IL17RA: variants seen among roughly 807,000 people sequenced by gnomAD.
IL17RA encodes interleukin-17 receptor A.
IL17RA carries 34 observed loss-of-function variants against 50.4 expected under a neutral mutation model. The observed-to-expected ratio is 0.67, with a 90% CI of 0.51 to 0.90. IL17RA has a LOEUF of 0.90. Ranked by LOEUF, IL17RA falls within the 40% of genes least tolerant of loss-of-function variation. IL17RA has a pLI of 0.00. For missense variants in IL17RA, 1,276 were observed against 1,169.8 expected, an observed-to-expected ratio of 1.09 and a Z score of -1.32; for synonymous variants, 585 against 510.4, an observed-to-expected ratio of 1.15 and a Z score of -1.97.
chr22:17,108,362 G>C lies in IL17RA; in HGVS notation c.1143G>C (p.Trp381Cys). ...CACCGCTGAAGCCCAGGAAGGTCTGGATCATCTACTCAGCCGACCACCCCC... is the reference window on the plus strand; with the variant it reads ...CACCGCTGAAGCCCAGGAAGGTCTGCATCATCTACTCAGCCGACCACCCCC... ...IPPPLKPRKV[W>C]IIYSADHPLY... is the part of the protein sequence containing the mutation. The change falls in exon 13 of 13, where the codon TGG (tryptophan) becomes TGC (cysteine). Residue 381 changes from tryptophan to cysteine, a missense_variant. Transcript: ENST00000319363. 6.2e-7 allele frequency: 1 copy of C among 1,614,084 alleles called. No individual in the cohort carries two copies. Among genetic ancestry groups the C allele is most frequent in the Non-Finnish European group, 8.5e-7 (1 of 1,180,002 alleles).
In IL17RA at chr22:17,106,948, G is replaced by A. The variant is rs540342996; in HGVS notation, c.1046-779G>A. 1.7e-4 allele frequency among the ~76,000 whole-genome samples: 26 copies of A among 152,266 alleles called. No individual in the cohort carries two copies. The East Asian group carries it at 3.9e-3, about 23-fold the overall frequency. ...ACAGGGTGAAGGCAAGAGGAGCCTC[G>A]CTGTTATTTGGCTGTCTTGTGACAG... On this transcript the variant is annotated intron_variant, in intron 11 of 12. Coordinates refer to ENST00000319363, the MANE Select transcript of IL17RA (RefSeq NM_014339.7).
In IL17RA at chr22:17,088,412, G is replaced by A. The variant is rs1204540115; in HGVS notation, c.138+3183G>A. 5.3e-5 allele frequency among the ~76,000 whole-genome samples: 8 copies of A among 150,748 alleles called. No individual in the cohort carries two copies. In the South Asian group the frequency reaches 1.3e-3, roughly 24 times the overall value. ...CAGCTCACTGCAACCTCCGCCTCCC[G>A]AGTTCAAGCAATTCTTGTGCCTCAG... On this transcript the variant is annotated intron_variant, in intron 1 of 12. Transcript: ENST00000319363.
In IL17RA at chr22:17,109,357, G is replaced by A. The variant is rs1012154562; in HGVS notation, c.2138G>A (p.Arg713Gln). 2.5e-6 allele frequency: 4 copies of A among 1,604,166 alleles called. No individual in the cohort carries two copies. Among genetic ancestry groups the A allele is most frequent in the South Asian group, 1.1e-5 (1 of 90,128 alleles). Reference protein sequence around the residue: ...CPLLGSPGAGRNSVLFLPVDP... With the variant: ...CPLLGSPGAGQNSVLFLPVDP... ...CTGCTGGGCAGCCCGGGCGCTGGGC[G>A]AAATAGCGTCCTCTTCCTCCCCGTG... is the stretch of plus-strand genomic sequence containing the variant. The change falls in exon 13 of 13, where the codon CGA becomes CAA. Residue 713 changes from arginine (R) to glutamine (Q), a missense_variant. By Grantham distance (43) the Arg-to-Gln change is conservative. Transcript: ENST00000319363.
rs1199171981 is a variant in IL17RA, at chr22:17,111,439, C to T, written c.*1619C>T. On this transcript the variant is annotated 3_prime_UTR_variant, in exon 13 of 13. Transcript: ENST00000319363. ...TGGGTCAGTGAAGATCTGGGCAGAC[C>T]TTGTGTGGGGAAGGGGTGCTGCTGT... 1 of 152,038 alleles carries T rather than the reference C, an allele frequency of 6.6e-6. No individual in the cohort carries two copies. Among genetic ancestry groups the T allele is most frequent in the African/African-American group, 2.4e-5 (1 of 41,356 alleles). 9.4% of individuals were successfully genotyped at this position (152,038 alleles called of 1,614,324 possible). A position where few individuals can be genotyped will look rare whatever the true frequency, so the allele number is the denominator to read the frequency against.
chr22:17,104,426 A>C (rs1282342121), intron 8 of IL17RA, among the ~76,000 whole-genome samples: 3 of 151,850 alleles, frequency 2.0e-5, no homozygotes, highest in African/African-American at 7.3e-5. Context: ...GGGAGCGTGC[A>C]CAGTCTGGCA....
In IL17RA at chr22:17,097,503, A is replaced by G. The variant is rs2061372522; in HGVS notation, c.164-294A>G. 26 of 547,368 alleles carry G rather than the reference A, an allele frequency of 4.8e-5. 1 individual carries two copies. In the South Asian group the frequency reaches 5.2e-4, roughly 11 times the overall value. The allele number at this position is 547,368 out of a possible 1,614,324, so 33.9% of individuals were successfully genotyped here. Reference sequence around the variant, plus strand: ...ATATAACAATAAAGCAGCTCTTACTACAACTGCATCCCTCCTGTGCCCTTA... The same window carrying G: ...ATATAACAATAAAGCAGCTCTTACTGCAACTGCATCCCTCCTGTGCCCTTA... On this transcript the variant is annotated intron_variant, in intron 2 of 12. Coordinates refer to ENST00000319363, the MANE Select transcript of IL17RA (RefSeq NM_014339.7).
rs2061370528 is a variant in IL17RA, at chr22:17,096,951, G to C, written c.139-111G>C. 3 of 939,784 alleles carry C rather than the reference G, an allele frequency of 3.2e-6. No individual in the cohort carries two copies. In the South Asian group the frequency reaches 3.9e-5, roughly 12 times the overall value. 58.2% of individuals were successfully genotyped at this position (939,784 alleles called of 1,614,324 possible). On this transcript the variant is annotated intron_variant, in intron 1 of 12. Transcript: ENST00000319363. Reference sequence around the variant, plus strand: ...TCCTATTCCCCAAAAAGTGAGAAGGGCAGGCTGTGTAGATGGCATTCCTGA... The same window carrying C: ...TCCTATTCCCCAAAAAGTGAGAAGGCCAGGCTGTGTAGATGGCATTCCTGA...
intron 1 of IL17RA, among the ~76,000 whole-genome samples, chr22:17,086,079 G>A (rs895334106): frequency 6.6e-6 from 1 of 152,144 alleles, no homozygotes; most frequent in African/African-American, 2.4e-5. Context: ...GCGCCCACAG[G>A]AAGTGACCCA....
chr22:17,101,905 G>A lies in IL17RA; in HGVS notation c.551-91G>A, dbSNP rs544323803. On this transcript the variant is annotated intron_variant, in intron 5 of 12. Transcript: ENST00000319363. ...CACCTGCGGACAGGCTCCCAGTGGGGAAAAGATTGTTGTTCTTGGTGTCAG... is the reference window on the plus strand; with the variant it reads ...CACCTGCGGACAGGCTCCCAGTGGGAAAAAGATTGTTGTTCTTGGTGTCAG... 2.6e-6 allele frequency: 4 copies of A among 1,536,610 alleles called. No homozygotes were observed. The South Asian group carries it at 3.4e-5, about 13-fold the overall frequency.
In IL17RA at chr22:17,111,743, C is replaced by T. The variant is rs1181505498; in HGVS notation, c.*1923C>T. ...CAGTTTGCATGTGTGTGTGCGCACA[C>T]ATACATGTGCGTGAAAGATTATCAA... On this transcript the variant is annotated 3_prime_UTR_variant, in exon 13 of 13. Transcript: ENST00000319363. 6.6e-6 allele frequency: 1 copy of T among 152,132 alleles called. No homozygotes were observed. The highest frequency in any genetic ancestry group is 6.5e-5 in the Admixed American group (1 of 15,276). 9.4% of individuals were successfully genotyped at this position (152,132 alleles called of 1,614,324 possible).
rs370254874 is a variant in IL17RA at position 17,108,779 on chromosome 22, G to A, written c.1560G>A (p.Ala520=). ...ACGTCCCCGACCTGTTCGGCGCGGC[G>A]CCGCGGTACCCGCTCATGGACAGGT... The part of the protein sequence containing the change: ...DGDVPDLFGA[A]PRYPLMDRFE... Residue 520 remains alanine (A), a synonymous_variant, in exon 13 of 13, where the codon GCG becomes GCA. Transcript: ENST00000319363. 89 of 1,607,892 alleles carry A rather than the reference G, an allele frequency of 5.5e-5. No individual in the cohort carries two copies. Among genetic ancestry groups the A allele is most frequent in the Admixed American group, 1.9e-4 (11 of 59,254 alleles).
chr22:17,101,966 T>C, intron 5 of IL17RA, 30 bp from the exon 6 acceptor site: 1 of 1,614,072 alleles, frequency 6.2e-7, no homozygotes, highest in Non-Finnish European at 8.5e-7. Context: ...GGCAGAGGCT[T>C]AATGAGTTTC....
At chr22:17,101,360 C>A (rs549895382) in intron 5 of IL17RA, among the ~76,000 whole-genome samples, 1 of 152,198 alleles carries the variant, frequency 6.6e-6, no homozygotes, top group Non-Finnish European at 1.5e-5. Flanking sequence ...CCTGCACACA[C>A]GCGTGCACAC....
At position 17,105,613 on chromosome 22, in the gene IL17RA, A is replaced by G. The variant is rs2061410795; in HGVS notation, c.943+11A>G. On this transcript the variant is annotated intron_variant, in intron 10 of 12. Transcript: ENST00000319363. Reference sequence around the variant, plus strand: ...CAGAACCAATTCCGGGTAAGCTTGGATCTCTCTCCGACAGCACTGCAGCCC... The same window carrying G: ...CAGAACCAATTCCGGGTAAGCTTGGGTCTCTCTCCGACAGCACTGCAGCCC... 6.2e-7 allele frequency: 1 copy of G among 1,613,116 alleles called. No individual in the cohort carries two copies. Among genetic ancestry groups the G allele is most frequent in the African/African-American group, 1.3e-5 (1 of 74,870 alleles).
At chr22:17,097,113 C>A in intron 2 of IL17RA, 27 bp downstream of exon 2, 1 of 1,607,194 alleles carries the variant, frequency 6.2e-7, no homozygotes, top group Non-Finnish European at 8.5e-7. Context: ...TGTTCTTCTT[C>A]TTGTTGCCTT....
chr22:17,091,403 G>A (rs1421816267), intron 1 of IL17RA, among the ~76,000 whole-genome samples: 4 of 152,126 alleles, frequency 2.6e-5, no homozygotes, highest in Non-Finnish European at 5.9e-5. Flanking sequence ...TTGGCCGGGC[G>A]CCGTAGCTTA....
intron 8 of IL17RA, 24 bp downstream of exon 8, chr22:17,103,601 G>A (rs1156462135): frequency 1.3e-6 from 2 of 1,584,854 alleles, no homozygotes; most frequent in African/African-American, 2.7e-5. Context: ...GTGTGGACAG[G>A]TGCAGGGAGC....
At position 17,112,820 on chromosome 22, in the gene IL17RA, A is replaced by G. The variant is rs2061449041; in HGVS notation, c.*3000A>G. The G allele has an allele frequency of 6.6e-6, 1 of 151,796 alleles. No individual in the cohort carries two copies. The highest frequency in any genetic ancestry group is 6.6e-5 in the Admixed American group (1 of 15,236). 9.4% of individuals were successfully genotyped at this position (151,796 alleles called of 1,614,324 possible). Reference sequence around the variant, plus strand: ...GTGCCCTCCACGCTGTGCCCCTCCCACCTCTTCAGCTCGTCTCCTGAGTGT... The same window carrying G: ...GTGCCCTCCACGCTGTGCCCCTCCCGCCTCTTCAGCTCGTCTCCTGAGTGT... On this transcript the variant is annotated 3_prime_UTR_variant, in exon 13 of 13. Coordinates refer to ENST00000319363, the MANE Select transcript of IL17RA (RefSeq NM_014339.7).
chr22:17,087,802 C>T (rs1339949669), intron 1 of IL17RA, among the ~76,000 whole-genome samples: 2 of 152,242 alleles, frequency 1.3e-5, no homozygotes, highest in Non-Finnish European at 2.9e-5. Context: ...ATAGGAAAGA[C>T]AGCAGCAACT....
Sources: gnomAD v4.1 joint callset for allele counts (sites outside exome capture counted in the v4.1 genomes callset) on GRCh38, gnomAD v4.1.1 for gene constraint, MANE v1.5 for transcripts, NCBI Gene and HGNC (gene_info 2026-07-23, HGNC 2026-07-21) for gene names.